The following NUDT3 variants were observed in gnomAD, a reference collection of about 807,000 sequenced individuals.
NUDT3 encodes the protein diphosphoinositol polyphosphate phosphohydrolase 1.
NUDT3 carries 9 observed loss-of-function variants against 23.6 expected under a neutral mutation model. The observed-to-expected ratio is 0.38, with a 90% CI of 0.23 to 0.66. NUDT3 has a LOEUF of 0.66. Ranked by LOEUF, NUDT3 falls within the 30% of genes least tolerant of loss-of-function variation. The probability of loss-of-function intolerance (pLI) is 0.52; values close to 1 mark genes in which losing one functional copy is unlikely to be tolerated. For synonymous variants in NUDT3, 86 were observed against 82.6 expected, an observed-to-expected ratio of 1.04 and a Z score of -0.22; for missense variants, 172 against 218.5, an observed-to-expected ratio of 0.79 and a Z score of 1.34.
intron 1 of NUDT3, among the ~76,000 whole-genome samples, chr6:34,342,441 G>C (rs1481185881): frequency 6.6e-6 from 1 of 152,108 alleles, no homozygotes; most frequent in Non-Finnish European, 1.5e-5. Context: ...ACTGGGAGCT[G>C]TATCCCAGTT....
chr6:34,388,134 T>C (rs1019143829), intron 1 of NUDT3, among the ~76,000 whole-genome samples: 1 of 152,174 alleles, frequency 6.6e-6, no homozygotes, highest in African/African-American at 2.4e-5. Context: ...TTTTGCAGCT[T>C]AGGAGCAATA....
chr6:34,324,833 GC>G (rs1480289025), intron 2 of NUDT3, among the ~76,000 whole-genome samples: 1 of 151,994 alleles, frequency 6.6e-6, no homozygotes, highest in East Asian at 1.9e-4. Context: ...TTTAGTAACA[GC>G]CTCAGAGCAG....
intron 1 of NUDT3, among the ~76,000 whole-genome samples, chr6:34,368,031 T>C (rs951751989): frequency 2.0e-5 from 3 of 152,048 alleles, no homozygotes; most frequent in African/African-American, 7.2e-5. Context: ...TGAAACCTCG[T>C]CTCTACTAAA....
chr6:34,374,713 A>G (rs551738108), intron 1 of NUDT3, among the ~76,000 whole-genome samples: 125 of 152,232 alleles, frequency 8.2e-4, no homozygotes, highest in African/African-American at 3.0e-3. Flanking sequence ...TCACTGTATC[A>G]TCATCATTTC....
At position 34,282,015 on chromosome 6, in the gene NUDT3, G is replaced by C. The variant is rs147958472; in HGVS notation, c.*6738C>G. On this transcript the variant is annotated 3_prime_UTR_variant, in exon 5 of 5. Coordinates refer to ENST00000607016, the MANE Select transcript of NUDT3 (RefSeq NM_006703.4). Reference sequence around the variant, plus strand: ...AACTTCCGATCTGGGGAGGTTCTACGTGGAGCAGACCTATCCCTTCTTATT... The same window carrying C: ...AACTTCCGATCTGGGGAGGTTCTACCTGGAGCAGACCTATCCCTTCTTATT... 7.9e-5 allele frequency: 12 copies of C among 152,144 alleles called. No individual in the cohort carries two copies. Among genetic ancestry groups the C allele is most frequent in the Admixed American group, 7.2e-4 (11 of 15,272 alleles). The allele number at this position is 152,144 out of a possible 1,614,324, so 9.4% of individuals were successfully genotyped here.
At chr6:34,356,424 AAATATAC>A (rs1764562790) in intron 1 of NUDT3, among the ~76,000 whole-genome samples, 1 of 152,188 alleles carries the variant, frequency 6.6e-6, no homozygotes, top group Non-Finnish European at 1.5e-5. Flanking sequence ...GACCAACAGG[AAATATAC>A]AATATAAGTC....
At chr6:34,310,472 T>C (rs1186167272) in intron 2 of NUDT3, among the ~76,000 whole-genome samples, 1 of 152,044 alleles carries the variant, frequency 6.6e-6, no homozygotes, top group Non-Finnish European at 1.5e-5. Context: ...GAGGTTGCAG[T>C]GAGCTGAGAT....
At chr6:34,390,209 G>T (rs960580151) in intron 1 of NUDT3, among the ~76,000 whole-genome samples, 2 of 150,850 alleles carry the variant, frequency 1.3e-5, no homozygotes, top group Admixed American at 6.6e-5. Context: ...TCCTAGAATC[G>T]CCTGAACCTG....
At chr6:34,382,558 C>A (rs1369182494) in intron 1 of NUDT3, among the ~76,000 whole-genome samples, 2 of 152,086 alleles carry the variant, frequency 1.3e-5, no homozygotes, top group African/African-American at 2.4e-5. Context: ...GTAATCCCAG[C>A]ACTTTGGAAG....
intron 1 of NUDT3, among the ~76,000 whole-genome samples, chr6:34,366,470 G>GGGAA (rs1466198144): frequency 3.7e-3 from 393 of 107,082 alleles, no homozygotes; most frequent in Non-Finnish European, 4.9e-3. Flanking sequence ...AAGAGAGAGA[G>GGGAA]GGAAGGGAGG....
intron 1 of NUDT3, among the ~76,000 whole-genome samples, chr6:34,346,738 CAA>C (rs992551462): frequency 7.2e-6 from 1 of 138,800 alleles, no homozygotes; most frequent in Non-Finnish European, 1.6e-5. Flanking sequence ...AAATTTACTA[CAA>C]AAAAAAAAAA....
intron 2 of NUDT3, among the ~76,000 whole-genome samples, chr6:34,327,925 G>A (rs945632316): frequency 2.6e-5 from 4 of 152,122 alleles, no homozygotes; most frequent in African/African-American, 9.7e-5. Flanking sequence ...CACTGCTCAC[G>A]ATGTCCCTTC....
intron 2 of NUDT3, among the ~76,000 whole-genome samples, chr6:34,309,702 G>T (rs1581857296): frequency 6.6e-6 from 1 of 151,720 alleles, no homozygotes; most frequent in South Asian, 2.1e-4. Context: ...CTTCAGCCAC[G>T]CTAATTAAGA....
At chr6:34,345,612 G>C (rs1288380156) in intron 1 of NUDT3, among the ~76,000 whole-genome samples, 2 of 144,724 alleles carry the variant, frequency 1.4e-5, no homozygotes, top group South Asian at 4.6e-4. Flanking sequence ...GCAGTGAACC[G>C]AGATTGCGCC....
chr6:34,299,112 GTTA>G (rs762704287), intron 2 of NUDT3, among the ~76,000 whole-genome samples: 1 of 152,154 alleles, frequency 6.6e-6, no homozygotes, highest in Non-Finnish European at 1.5e-5. Flanking sequence ...CTGAGAGTGG[GTTA>G]TTTTTATCTG....
chr6:34,375,781 C>G (rs1015036970), intron 1 of NUDT3, among the ~76,000 whole-genome samples: 7 of 152,202 alleles, frequency 4.6e-5, no homozygotes, highest in Non-Finnish European at 1.0e-4. Flanking sequence ...ACACGTCCAT[C>G]TTACCATTCT....
In NUDT3 at chr6:34,374,962, C is replaced by T. The variant is rs1764897300; in HGVS notation, c.99+17302G>A. ...GGACATCTCTACCGTTCTCTTTCCC[C>T]TCTCCAGCGTCTATATGCAAAGGGA... On this transcript the variant is annotated intron_variant, in intron 1 of 4. Coordinates refer to ENST00000607016, the MANE Select transcript of NUDT3 (RefSeq NM_006703.4). Among the ~76,000 whole-genome samples the T allele has an allele frequency of 2.0e-5, 3 of 152,206 alleles. No homozygotes were observed. In the South Asian group the frequency reaches 6.2e-4, roughly 32 times the overall value.
At chr6:34,305,418 C>T (rs1763665309) in intron 2 of NUDT3, among the ~76,000 whole-genome samples, 1 of 152,038 alleles carries the variant, frequency 6.6e-6, no homozygotes, top group South Asian at 2.1e-4. Flanking sequence ...TGGTTATTTC[C>T]CTTTTTTGTT....
intron 1 of NUDT3, among the ~76,000 whole-genome samples, chr6:34,346,039 G>A (rs1764363786): frequency 6.6e-6 from 1 of 152,096 alleles, no homozygotes; most frequent in Non-Finnish European, 1.5e-5. Context: ...AAAGTGTTGG[G>A]ATTACAGGTG....
Sources: gnomAD v4.1 joint callset for allele counts (sites outside exome capture counted in the v4.1 genomes callset) on GRCh38, gnomAD v4.1.1 for gene constraint, MANE v1.5 for transcripts, NCBI Gene and HGNC (gene_info 2026-07-23, HGNC 2026-07-21) for gene names.